The following PCDHA11 variants were observed in gnomAD, a reference collection of about 807,000 sequenced individuals.
The protein encoded by PCDHA11 is protocadherin alpha-11.
In PCDHA11, 61 loss-of-function variants were observed where a neutral mutation model predicts 70.3. The ratio of observed to expected loss-of-function variants is 0.87; its 90% CI spans 0.71 to 1.07. The LOEUF (loss-of-function observed/expected upper bound fraction) is 1.07. Among genes scored for constraint, PCDHA11 ranks in the 50% least tolerant of loss-of-function variants. The pLI, the probability that PCDHA11 is intolerant of heterozygous loss-of-function variation, is 0.00. For synonymous variants in PCDHA11, 633 were observed against 555.1 expected (o/e 1.14, Z -1.97); for missense variants, 1,324 against 1,237.5 (o/e 1.07, Z -1.05).
chr5:140,910,381 TG>T (rs2075003327), intron 1 of PCDHA11, among the ~76,000 whole-genome samples: 1 of 152,188 alleles, frequency 6.6e-6, no homozygotes, highest in Admixed American at 6.5e-5. Context: ...ACCTTGCCTT[TG>T]ACAGTTGACT....
intron 1 of PCDHA11, chr5:140,882,792 A>C (rs367665995): frequency 6.2e-7 from 1 of 1,614,144 alleles, no homozygotes; most frequent in Non-Finnish European, 8.5e-7. Flanking sequence ...CTGGATCCCA[A>C]CGATTATTTC....
intron 3 of PCDHA11, among the ~76,000 whole-genome samples, chr5:141,009,322 G>C (rs2098405890): frequency 6.6e-6 from 1 of 152,206 alleles, no homozygotes. Flanking sequence ...AGCCTGGCAT[G>C]GGAGCTTGTG....
At chr5:140,934,684 A>G (rs1026507859) in intron 1 of PCDHA11, among the ~76,000 whole-genome samples, 1 of 152,178 alleles carries the variant, frequency 6.6e-6, no homozygotes, top group African/African-American at 2.4e-5. Context: ...TATTCAAAAC[A>G]ATGAATTGAT....
intron 1 of PCDHA11, chr5:140,969,419 T>C: frequency 6.4e-7 from 1 of 1,563,564 alleles, no homozygotes; most frequent in Non-Finnish European, 8.7e-7. Flanking sequence ...ATTGAGTCAT[T>C]AACAGTGACA....
At chr5:140,999,138 C>G (rs530740266) in intron 3 of PCDHA11, among the ~76,000 whole-genome samples, 1 of 152,258 alleles carries the variant, frequency 6.6e-6, no homozygotes, top group East Asian at 1.9e-4. Context: ...AATGTCACAG[C>G]CGGAAGTCTT....
At chr5:140,871,707 G>A (rs2053270634) in intron 1 of PCDHA11, 9 of 843,502 alleles carry the variant, frequency 1.1e-5, no homozygotes, top group Non-Finnish European at 1.6e-5. Flanking sequence ...ACCAATAAAT[G>A]TCCTATTTCT....
chr5:140,877,310 C>A, intron 1 of PCDHA11: 2 of 1,613,938 alleles, frequency 1.2e-6, no homozygotes, highest in Non-Finnish European at 1.7e-6. Context: ...GAGTTGCAAC[C>A]GGCGGCGGTC....
chr5:140,890,635 C>G (rs1015207309), intron 1 of PCDHA11, among the ~76,000 whole-genome samples: 1 of 152,114 alleles, frequency 6.6e-6, no homozygotes, highest in Non-Finnish European at 1.5e-5. Flanking sequence ...AAGCATGTAT[C>G]CTTGATATAT....
chr5:140,895,720 C>A (rs1473250558), intron 1 of PCDHA11, among the ~76,000 whole-genome samples: 2 of 152,136 alleles, frequency 1.3e-5, no homozygotes, highest in African/African-American at 4.8e-5. Flanking sequence ...ATGGCCTGCA[C>A]CTCCATTCAA....
In PCDHA11 at chr5:141,011,141, A is replaced by G. The variant is rs1039778930; in HGVS notation, c.*1204A>G. 3.9e-5 allele frequency: 6 copies of G among 153,668 alleles called. No homozygotes were observed. In the Admixed American group the frequency reaches 3.9e-4, roughly 10 times the overall value. The allele number at this position is 153,668 out of a possible 1,614,324, so 9.5% of individuals were successfully genotyped here. On this transcript the variant is annotated 3_prime_UTR_variant, in exon 4 of 4. Coordinates refer to ENST00000398640, the MANE Select transcript of PCDHA11 (RefSeq NM_018902.5). Reference sequence around the variant, plus strand: ...ACAATTATGTGCACTTTGATACACAACCTTCTCTAACCAACTATATATCAA... The same window carrying G: ...ACAATTATGTGCACTTTGATACACAGCCTTCTCTAACCAACTATATATCAA...
intron 1 of PCDHA11, among the ~76,000 whole-genome samples, chr5:140,874,611 C>T (rs1274309771): frequency 6.6e-6 from 1 of 152,220 alleles, no homozygotes; most frequent in African/African-American, 2.4e-5. Flanking sequence ...GAGGCTTCAA[C>T]TAAACATTTT....
chr5:140,898,330 G>A (rs536378486), intron 1 of PCDHA11, among the ~76,000 whole-genome samples: 29 of 152,102 alleles, frequency 1.9e-4, no homozygotes, highest in African/African-American at 6.0e-4. Flanking sequence ...TGGGTCTAAC[G>A]TTTAAGTCTT....
At chr5:140,947,439 G>C (rs2094135272) in intron 1 of PCDHA11, among the ~76,000 whole-genome samples, 1 of 151,638 alleles carries the variant, frequency 6.6e-6, no homozygotes, top group African/African-American at 2.4e-5. Flanking sequence ...AAAATCAGCT[G>C]TGAAATCCTC....
At position 140,871,116 on chromosome 5, in the gene PCDHA11, C is replaced by T. The variant is rs200344692; in HGVS notation, c.2013C>T (p.Ser671=). ...TATVLVSLVE[S]GQAPKASSRT... is the part of the protein sequence containing the mutation. ...CCGTGCTGGTGTCGTTGGTGGAGAG[C>T]GGACAGGCGCCAAAGGCCTCTTCCC... Residue 671 remains serine (S), a synonymous_variant, in exon 1 of 4, where the codon AGC becomes AGT. Coordinates refer to ENST00000398640, the MANE Select transcript of PCDHA11 (RefSeq NM_018902.5). The T allele has an allele frequency of 2.7e-5, 44 of 1,613,146 alleles. No individual in the cohort carries two copies. Among genetic ancestry groups the T allele is most frequent in the Non-Finnish European group, 3.6e-5 (43 of 1,179,890 alleles).
chr5:140,961,434 A>G (rs2095611315), intron 1 of PCDHA11, among the ~76,000 whole-genome samples: 1 of 152,174 alleles, frequency 6.6e-6, no homozygotes, highest in African/African-American at 2.4e-5. Context: ...TTACAAAATC[A>G]CCTAACTACA....
chr5:141,000,555 G>A (rs1395458694), intron 3 of PCDHA11, among the ~76,000 whole-genome samples: 1 of 148,762 alleles, frequency 6.7e-6, no homozygotes, highest in Non-Finnish European at 1.5e-5. Context: ...AAACTCCCGA[G>A]TAGCTGGGAT....
chr5:140,870,990 G>A lies in PCDHA11; in HGVS notation c.1887G>A (p.Glu629=), dbSNP rs781832962. 2 of 1,613,518 alleles carry A rather than the reference G, an allele frequency of 1.2e-6. No individual in the cohort carries two copies. The highest frequency in any genetic ancestry group is 1.1e-5 in the South Asian group (1 of 91,064). The part of the protein sequence containing the change: ...IPFRVGLYTG[E]ISTTRALDEA... ...TCCGCGTGGGGCTGTACACGGGCGA[G>A]ATAAGCACAACGCGTGCCCTGGACG... Residue 629 remains glutamate (E), a synonymous_variant, in exon 1 of 4, where the codon GAG becomes GAA. Coordinates refer to ENST00000398640, the MANE Select transcript of PCDHA11 (RefSeq NM_018902.5).
In PCDHA11 at chr5:140,883,112, A is replaced by G. The variant is rs141106500; in HGVS notation, c.2391+11618A>G. 408 of 1,614,156 alleles carry G rather than the reference A, an allele frequency of 2.5e-4. 3 individuals are homozygous for G. In the African/African-American group the frequency reaches 5.1e-3, roughly 20 times the overall value. ...AAATGGAGATATAGTTTACTCATTTAGAAGGCCTGTATGGCCTGCAGTGGT... is the reference window on the plus strand; with the variant it reads ...AAATGGAGATATAGTTTACTCATTTGGAAGGCCTGTATGGCCTGCAGTGGT... On this transcript the variant is annotated intron_variant, in intron 1 of 3. Coordinates refer to ENST00000398640, the MANE Select transcript of PCDHA11 (RefSeq NM_018902.5).
chr5:140,971,580 T>C (rs1028418438), intron 1 of PCDHA11, among the ~76,000 whole-genome samples: 9 of 152,154 alleles, frequency 5.9e-5, no homozygotes, highest in African/African-American at 2.2e-4. Context: ...TTTCTTTTTT[T>C]CCTACCTAGT....
Sources: gnomAD v4.1 joint callset for allele counts (sites outside exome capture counted in the v4.1 genomes callset) on GRCh38, gnomAD v4.1.1 for gene constraint, MANE v1.5 for transcripts, NCBI Gene and HGNC (gene_info 2026-07-23, HGNC 2026-07-21) for gene names.